The following INHBA variants were observed in gnomAD, a reference collection of about 807,000 sequenced individuals.
INHBA encodes inhibin beta A chain.
A neutral mutation model predicts 29.0 loss-of-function variants in INHBA; 1 was observed. That is an observed-to-expected ratio of 0.03 (90% CI 0.01 to 0.16). The LOEUF (loss-of-function observed/expected upper bound fraction) is 0.16, where lower values mean the gene tolerates loss of function less well. INHBA is among the 10% of genes least tolerant of loss of function. The pLI is 1.00. For missense variants in INHBA, 376 were observed against 545.4 expected (o/e 0.69, Z 3.09); for synonymous variants, 242 against 216.8 (o/e 1.12, Z -1.02).
rs764497006 is a variant in INHBA at position 41,685,743 on chromosome 7, G to C, written c.*3907C>G. On this transcript the variant is annotated 3_prime_UTR_variant, in exon 3 of 3. Transcript: ENST00000242208. The stretch of plus-strand genomic sequence containing the variant: ...ATAATATAGCTGAGACATGTGGTTT[G>C]CTTCTGCTCTTGAAGATGTGAACAG... The C allele has an allele frequency of 1.2e-4, 19 of 152,072 alleles. No homozygotes were observed. Among genetic ancestry groups the C allele is most frequent in the Non-Finnish European group, 2.5e-4 (17 of 67,966 alleles). The allele number at this position is 152,072 out of a possible 1,614,324, so 9.4% of individuals were successfully genotyped here.
rs1252941726 is a variant in INHBA, at chr7:41,689,595, T to C, written c.*55A>G. ...AGAAACCTTAAAAATTTCTTCATTT[T>C]GCCACTGTCTTCTCTGGACAACTCT... is the stretch of plus-strand genomic sequence containing the variant. On this transcript the variant is annotated 3_prime_UTR_variant, in exon 3 of 3. Transcript: ENST00000242208. 1.5e-6 allele frequency: 2 copies of C among 1,311,180 alleles called. No homozygotes were observed. The highest frequency in any genetic ancestry group is 5.3e-5 in the East Asian group (2 of 37,418). 81.2% of individuals were successfully genotyped at this position (1,311,180 alleles called of 1,614,324 possible).
chr7:41,700,841 A>AAGAGAGAGAGAGAGAGAGAGAGAGAGAG (rs3030163), intron 1 of INHBA, among the ~76,000 whole-genome samples: 17 of 79,144 alleles, frequency 2.1e-4, no homozygotes, highest in South Asian at 6.0e-4. Context: ...GAGGGAAAGG[A>AAGAGAGAGAGAGAGAGAGAGAGAGAGAG]AGAGAGAGAG....
At chr7:41,692,926 C>A (rs993202785) in intron 2 of INHBA, among the ~76,000 whole-genome samples, 1 of 152,194 alleles carries the variant, frequency 6.6e-6, no homozygotes, top group Non-Finnish European at 1.5e-5. Flanking sequence ...TTTAGGGTGG[C>A]AGGGTCCTGC....
intron 1 of INHBA, among the ~76,000 whole-genome samples, chr7:41,701,378 G>A (rs142956117): frequency 0.01 from 1,566 of 152,234 alleles, 36 homozygotes; most frequent in African/African-American, 0.034. Flanking sequence ...GGATCCAGGG[G>A]AGATGGTCCT....
In INHBA at chr7:41,689,102, CTG is replaced by C. The variant is rs56919042; in HGVS notation, c.*546_*547del. The C allele has an allele frequency of 0.098, 20,943 of 214,610 alleles. 457 individuals are homozygous for C. The highest frequency in any genetic ancestry group is 0.15 in the African/African-American group (6,550 of 42,856). The allele number at this position is 214,610 out of a possible 1,614,324, so 13.3% of individuals were successfully genotyped here. On this transcript the variant is annotated 3_prime_UTR_variant, in exon 3 of 3. Transcript: ENST00000242208. The stretch of plus-strand genomic sequence containing the variant: ...GTATATATGTAATGTGTGGAAATGC[CTG>C]TGTGTGTGTGTGTGTGTGTGTGTGT...
In INHBA at chr7:41,687,421, A is replaced by T. The variant is rs1417290351; in HGVS notation, c.*2229T>A. On this transcript the variant is annotated 3_prime_UTR_variant, in exon 3 of 3. Coordinates refer to ENST00000242208, the MANE Select transcript of INHBA (RefSeq NM_002192.4). ...TTTGCCAACTTCACACAAGTGTGTA[A>T]AAATAGGGCTCTGGATTTTCAAAAG... The T allele has an allele frequency of 6.6e-6, 1 of 152,220 alleles. No individual in the cohort carries two copies. Among genetic ancestry groups the T allele is most frequent in the Non-Finnish European group, 1.5e-5 (1 of 68,030 alleles). 9.4% of individuals were successfully genotyped at this position (152,220 alleles called of 1,614,324 possible).
rs1794464629 is a variant in INHBA, at chr7:41,690,005, C to T, written c.926G>A (p.Arg309Gln). ...QSEDHPHRRR[R>Q]RGLECDGKVN... Reference sequence around the variant, plus strand: ...CTTGCCATCACACTCCAAGCCCCGCCGACGCCGGCGATGAGGGTGGTCTTC... The same window carrying T: ...CTTGCCATCACACTCCAAGCCCCGCTGACGCCGGCGATGAGGGTGGTCTTC... The change falls in exon 3 of 3, where the codon CGG becomes CAG. Residue 309 changes from arginine (R) to glutamine (Q), a missense_variant. Coordinates refer to ENST00000242208, the MANE Select transcript of INHBA (RefSeq NM_002192.4). 6.2e-7 allele frequency: 1 copy of T among 1,613,950 alleles called. No individual in the cohort carries two copies. The highest frequency in any genetic ancestry group is 1.7e-5 in the Admixed American group (1 of 60,006).
chr7:41,700,872 A>C (rs926626408), intron 1 of INHBA, among the ~76,000 whole-genome samples: 7 of 142,256 alleles, frequency 4.9e-5, no homozygotes. Context: ...AGAGAGAGAG[A>C]GAGAGAAAGG....
At position 41,686,158 on chromosome 7, in the gene INHBA, T is replaced by C. The variant is rs1308873274; in HGVS notation, c.*3492A>G. ...GAGTATGGAATCAATCTTAAATAAA[T>C]ATGAAATTGGTTGGTCTTCTGGGAT... On this transcript the variant is annotated 3_prime_UTR_variant, in exon 3 of 3. Transcript: ENST00000242208. The C allele has an allele frequency of 6.6e-6, 1 of 152,128 alleles. No individual in the cohort carries two copies. 9.4% of individuals were successfully genotyped at this position (152,128 alleles called of 1,614,324 possible). A position where few individuals can be genotyped will look rare whatever the true frequency, so the allele number is the denominator to read the frequency against.
upstream of INHBA, among the ~76,000 whole-genome samples, chr7:41,703,490 T>C (rs1794841598): frequency 6.6e-6 from 1 of 152,180 alleles, no homozygotes; most frequent in African/African-American, 2.4e-5. Flanking sequence ...AAGTATTTTA[T>C]TGTTTCTTTC....
In INHBA at chr7:41,689,127, T is replaced by C. The variant is rs1394507773; in HGVS notation, c.*523A>G. On this transcript the variant is annotated 3_prime_UTR_variant, in exon 3 of 3. Coordinates refer to ENST00000242208, the MANE Select transcript of INHBA (RefSeq NM_002192.4). ...CTGTGTGTGTGTGTGTGTGTGTGTG[T>C]GTGTGTGTGTATGCTGATATACACA... 8.5e-6 allele frequency: 2 copies of C among 234,100 alleles called. No homozygotes were observed. Among genetic ancestry groups the C allele is most frequent in the Non-Finnish European group, 1.7e-5 (2 of 118,700 alleles). The allele number at this position is 234,100 out of a possible 1,614,324, so 14.5% of individuals were successfully genotyped here. A position where few individuals can be genotyped will look rare whatever the true frequency, so the allele number is the denominator to read the frequency against.
Position 41,689,674 on chromosome 7 carries a change from G to C in INHBA, c.1257C>G (p.Ile419Met). Residue 419 changes from isoleucine to methionine, a missense_variant, in exon 3 of 3, where the codon ATC (isoleucine) becomes ATG (methionine). Physicochemically the swap from Ile to Met is conservative, Grantham distance 10. Transcript: ENST00000242208. ...TCTATGAGCACCCACACTCCTCCACGATCATGTTCTGAATGTCCTTTTTGA... is the reference window on the plus strand; with the variant it reads ...TCTATGAGCACCCACACTCCTCCACCATCATGTTCTGAATGTCCTTTTTGA... ...NIIKKDIQNM[I>M]VEECGCS 2 of 1,591,920 alleles carry C rather than the reference G, an allele frequency of 1.3e-6. No homozygotes were observed. The highest frequency in any genetic ancestry group is 1.7e-6 in the Non-Finnish European group (2 of 1,168,238).
rs1020634771 is a variant in INHBA, at chr7:41,686,506, C to T, written c.*3144G>A. 1.3e-5 allele frequency: 2 copies of T among 152,024 alleles called. No individual in the cohort carries two copies. Among genetic ancestry groups the T allele is most frequent in the African/African-American group, 4.8e-5 (2 of 41,368 alleles). The allele number at this position is 152,024 out of a possible 1,614,324, so 9.4% of individuals were successfully genotyped here. The stretch of plus-strand genomic sequence containing the variant: ...GGTGAAAGAGTGGTTGTTCACAGGA[C>T]TTGTATTTTCCAAGATGATTAAAGA... On this transcript the variant is annotated 3_prime_UTR_variant, in exon 3 of 3. Transcript: ENST00000242208.
At chr7:41,697,367 C>T (rs1794672338) in intron 2 of INHBA, among the ~76,000 whole-genome samples, 1 of 152,224 alleles carries the variant, frequency 6.6e-6, no homozygotes, top group South Asian at 2.1e-4. Flanking sequence ...TAACAACTCG[C>T]ATCAACTTTA....
intron 2 of INHBA, chr7:41,691,533 C>T (rs1794526127): frequency 6.6e-6 from 1 of 152,332 alleles, no homozygotes; most frequent in Non-Finnish European, 1.5e-5. Context: ...TCTCTGGGGT[C>T]TAAGGCCTTG....
At chr7:41,700,810 G>A in intron 1 of INHBA, among the ~76,000 whole-genome samples, 1 of 124,908 alleles carries the variant, frequency 8.0e-6, no homozygotes, top group African/African-American at 3.2e-5. Context: ...GAGAGGGAGG[G>A]AAGGGAGGGG....
intron 2 of INHBA, among the ~76,000 whole-genome samples, chr7:41,695,382 A>G (rs1462775046): frequency 6.6e-6 from 1 of 152,212 alleles, no homozygotes; most frequent in Non-Finnish European, 1.5e-5. Flanking sequence ...GATATGGTAT[A>G]GTCAATGGTA....
intron 2 of INHBA, among the ~76,000 whole-genome samples, chr7:41,693,280 C>T (rs1324291601): frequency 6.6e-6 from 1 of 152,206 alleles, no homozygotes; most frequent in Non-Finnish European, 1.5e-5. Flanking sequence ...TCCCCATGAG[C>T]TCTGCTCTAC....
rs995971701 is a variant in INHBA at position 41,690,010 on chromosome 7, C to A, written c.921G>T (p.Arg307=). The change falls in exon 3 of 3, where the codon CGG becomes CGT. Residue 307 remains arginine (R), a synonymous_variant. Transcript: ENST00000242208. The part of the protein sequence containing the change: ...ARQSEDHPHR[R]RRRGLECDGK... The stretch of plus-strand genomic sequence containing the variant: ...CATCACACTCCAAGCCCCGCCGACG[C>A]CGGCGATGAGGGTGGTCTTCAGACT... 3.1e-6 allele frequency: 5 copies of A among 1,614,018 alleles called. No homozygotes were observed. Among genetic ancestry groups the A allele is most frequent in the Non-Finnish European group, 4.2e-6 (5 of 1,180,050 alleles).
Sources: allele counts gnomAD v4.1 joint callset (sites outside exome capture counted in the v4.1 genomes callset), GRCh38; gene constraint gnomAD v4.1.1; transcripts MANE v1.5; gene names NCBI Gene and HGNC (gene_info 2026-07-23, HGNC 2026-07-21).